The following ZNF385D variants were observed in gnomAD, a reference collection of about 807,000 sequenced individuals.
ZNF385D encodes the protein zinc finger protein 385D.
In ZNF385D, 15 loss-of-function variants were observed where a neutral mutation model predicts 35.8. That is an observed-to-expected ratio of 0.42 (90% CI 0.28 to 0.64). The LOEUF (loss-of-function observed/expected upper bound fraction) is 0.64, where lower values mean the gene tolerates loss of function less well. Ranked by LOEUF, ZNF385D falls within the 30% of genes least tolerant of loss-of-function variation. The pLI, the probability that ZNF385D is intolerant of heterozygous loss-of-function variation, is 0.23. For synonymous variants in ZNF385D, 212 were observed against 186.8 expected, an observed-to-expected ratio of 1.13 and a Z score of -1.10; for missense variants, 474 against 494.6, an observed-to-expected ratio of 0.96 and a Z score of 0.39.
intron 2 of ZNF385D, among the ~76,000 whole-genome samples, chr3:21,582,838 C>T (rs781584072): frequency 1.2e-4 from 19 of 152,064 alleles, no homozygotes; most frequent in African/African-American, 1.7e-4. Flanking sequence ...AGTGCAGTGG[C>T]GCCATCTCTG....
At chr3:21,585,739 A>T (rs1218518275) in intron 2 of ZNF385D, among the ~76,000 whole-genome samples, 1 of 152,214 alleles carries the variant, frequency 6.6e-6, no homozygotes, top group Non-Finnish European at 1.5e-5. Context: ...ACGCCTTGGC[A>T]AAAGTTCCCG....
chr3:21,969,219 A>G (rs1211356940), intron 3 of ZNF385D, among the ~76,000 whole-genome samples: 1 of 152,042 alleles, frequency 6.6e-6, no homozygotes, highest in African/African-American at 2.4e-5. Flanking sequence ...CCAGGTAGAT[A>G]CCTGATATGT....
chr3:22,295,499 G>A (rs769014224), intron 2 of ZNF385D, among the ~76,000 whole-genome samples: 4 of 152,082 alleles, frequency 2.6e-5, no homozygotes, highest in Non-Finnish European at 5.9e-5. Context: ...AAAACTGGGC[G>A]TACATGTAGG....
At chr3:22,079,440 C>G (rs886732730) in intron 3 of ZNF385D, among the ~76,000 whole-genome samples, 4 of 151,812 alleles carry the variant, frequency 2.6e-5, no homozygotes, top group South Asian at 4.2e-4. Flanking sequence ...TTCTATAATT[C>G]TAAATGGAGG....
intron 2 of ZNF385D, among the ~76,000 whole-genome samples, chr3:22,336,166 G>C (rs1695151535): frequency 6.6e-6 from 1 of 152,064 alleles, no homozygotes; most frequent in East Asian, 1.9e-4. Flanking sequence ...TGGTAAAACT[G>C]TTAACTTGAA....
intron 1 of ZNF385D, among the ~76,000 whole-genome samples, chr3:21,737,217 A>T (rs1311215213): frequency 3.3e-5 from 5 of 152,180 alleles, no homozygotes; most frequent in Non-Finnish European, 7.3e-5. Flanking sequence ...TGGGACAGCA[A>T]TCCTACTTCT....
chr3:22,308,052 A>C (rs1451600726), intron 2 of ZNF385D, among the ~76,000 whole-genome samples: 4 of 152,148 alleles, frequency 2.6e-5, no homozygotes, highest in African/African-American at 9.7e-5. Context: ...TTTCAGGTCA[A>C]AAGATTAGAG....
intron 3 of ZNF385D, among the ~76,000 whole-genome samples, chr3:22,162,256 T>C (rs1003193812): frequency 3.9e-5 from 6 of 152,166 alleles, no homozygotes; most frequent in Non-Finnish European, 7.3e-5. Context: ...ATATATTTCT[T>C]TGGCATATTT....
At chr3:21,742,875 C>T (rs577806648) in intron 1 of ZNF385D, among the ~76,000 whole-genome samples, 1 of 152,260 alleles carries the variant, frequency 6.6e-6, no homozygotes, top group South Asian at 2.1e-4. Context: ...CCTAGTTTGA[C>T]CCCAACAGGC....
intron 2 of ZNF385D, among the ~76,000 whole-genome samples, chr3:22,313,390 A>G (rs751831302): frequency 3.3e-5 from 5 of 152,178 alleles, no homozygotes; most frequent in Non-Finnish European, 7.3e-5. Flanking sequence ...CCTAAAACTT[A>G]AAGTATAATA....
chr3:21,907,232 T>G (rs1453827366), intron 3 of ZNF385D, among the ~76,000 whole-genome samples: 1 of 152,186 alleles, frequency 6.6e-6, no homozygotes, highest in Non-Finnish European at 1.5e-5. Context: ...TTAAAAAACA[T>G]GTATCTGTAA....
At chr3:21,749,154 G>A (rs2069930361) in intron 1 of ZNF385D, among the ~76,000 whole-genome samples, 1 of 152,136 alleles carries the variant, frequency 6.6e-6, no homozygotes, top group African/African-American at 2.4e-5. Flanking sequence ...AAGTAAGTAG[G>A]ACATCACATT....
intron 3 of ZNF385D, among the ~76,000 whole-genome samples, chr3:21,892,943 G>C (rs1698949612): frequency 6.6e-6 from 1 of 152,052 alleles, no homozygotes; most frequent in Non-Finnish European, 1.5e-5. Flanking sequence ...GCATTTTTTG[G>C]ACAATTTCTA....
rs1575099556 is a variant in ZNF385D, at chr3:22,313,542, TG to T, written c.106+58907del. On this transcript the variant is annotated intron_variant, in intron 2 of 5. Transcript: ENST00000494108. Reference sequence around the variant, plus strand: ...TATGGTGTAGATGTCACATTTAACATGTTTTTAAAAAAGATATTACAAAACA... The same window carrying T: ...TATGGTGTAGATGTCACATTTAACATTTTTTAAAAAAGATATTACAAAACA... Among the ~76,000 whole-genome samples, 3 of 151,110 alleles carry T rather than the reference TG, an allele frequency of 2.0e-5. No individual in the cohort carries two copies. In the South Asian group the frequency reaches 6.3e-4, roughly 32 times the overall value.
rs112421721 is a variant in ZNF385D at position 21,781,662 on chromosome 3, C to T, written c.326-116634G>A. On this transcript the variant is annotated intron_variant, in intron 3 of 5. Transcript: ENST00000494108. ...GAGTAAGATTCCTTGCTGTTCTTGA[C>T]GACATGAGCCAGACACCTTAAACAA... Among the ~76,000 whole-genome samples the T allele has an allele frequency of 1.8e-3, 267 of 152,042 alleles. 1 individual carries two copies. Among genetic ancestry groups the T allele is most frequent in the African/African-American group, 6.1e-3 (253 of 41,466 alleles).
intron 3 of ZNF385D, among the ~76,000 whole-genome samples, chr3:21,923,157 A>G (rs535790058): frequency 6.6e-6 from 1 of 152,202 alleles, no homozygotes; most frequent in Non-Finnish European, 1.5e-5. Flanking sequence ...TACATTAGGT[A>G]TATCTCCTAA....
At position 22,192,073 on chromosome 3, in the gene ZNF385D, C is replaced by G. The variant is rs1696080167; in HGVS notation, c.107-23038G>C. ...CATCTCTTTCTCCATCCCACTTACT[C>G]AAGTGATTCTTTCAACGATAGTGCC... On this transcript the variant is annotated intron_variant, in intron 2 of 5. Transcript: ENST00000494108. 2.0e-5 allele frequency among the ~76,000 whole-genome samples: 3 copies of G among 152,240 alleles called. No individual in the cohort carries two copies. In the South Asian group the frequency reaches 6.2e-4, roughly 32 times the overall value.
chr3:21,757,745 A>G (rs1028560637), intron 3 of ZNF385D, among the ~76,000 whole-genome samples: 1 of 152,182 alleles, frequency 6.6e-6, no homozygotes, highest in African/African-American at 2.4e-5. Context: ...TTTATCTCAT[A>G]CAGAGGAAAT....
chr3:22,015,841 T>C (rs1696854966), intron 3 of ZNF385D, among the ~76,000 whole-genome samples: 1 of 152,108 alleles, frequency 6.6e-6, no homozygotes, highest in African/African-American at 2.4e-5. Flanking sequence ...ATGCCAAAGT[T>C]CTAGAGGAGC....
Sources: gnomAD v4.1 joint callset for allele counts (sites outside exome capture counted in the v4.1 genomes callset) on GRCh38, gnomAD v4.1.1 for gene constraint, MANE v1.5 for transcripts, NCBI Gene and HGNC (gene_info 2026-07-23, HGNC 2026-07-21) for gene names.